GABPB2: variants seen among roughly 807,000 people sequenced by gnomAD.
The protein encoded by GABPB2 is GA-binding protein subunit beta-2.
GABPB2 carries 23 observed loss-of-function variants against 39.1 expected under a neutral mutation model. The observed-to-expected ratio is 0.59, with a 90% CI of 0.42 to 0.83. The LOEUF is 0.83. Ranked by LOEUF, GABPB2 falls within the 40% of genes least tolerant of loss-of-function variation. The pLI, the probability that GABPB2 is intolerant of heterozygous loss-of-function variation, is 0.00. For synonymous variants in GABPB2, 184 were observed against 199.3 expected (o/e 0.92, Z 0.65); for missense variants, 467 against 541.1 (o/e 0.86, Z 1.36).
At position 151,093,404 on chromosome 1, in the gene GABPB2, C is replaced by T. The variant is rs781031819; in HGVS notation, c.471+18C>T. 12 of 1,552,476 alleles carry T rather than the reference C, an allele frequency of 7.7e-6. No homozygotes were observed. In the African/African-American group the frequency reaches 9.7e-5, roughly 13 times the overall value. On this transcript the variant is annotated intron_variant, in intron 4 of 8. Coordinates refer to ENST00000368918, the MANE Select transcript of GABPB2 (RefSeq NM_144618.3). ...TCCTCCAGGTGTGGTTCTTTTTATA[C>T]TCTCCAGAATGTATGTTAATTGAAG...
chr1:151,101,451 G>A (rs587647853), intron 5 of GABPB2, among the ~76,000 whole-genome samples: 12 of 152,066 alleles, frequency 7.9e-5, no homozygotes, highest in Middle Eastern at 3.4e-3. Flanking sequence ...GTGCGCGCCT[G>A]TAGTCCCAGT....
In GABPB2 at chr1:151,088,062, A is replaced by G. The variant is rs1032519004; in HGVS notation, c.1-128A>G. 8 of 639,702 alleles carry G rather than the reference A, an allele frequency of 1.3e-5. No individual in the cohort carries two copies. In the Admixed American group the frequency reaches 1.7e-4, roughly 13 times the overall value. The allele number at this position is 639,702 out of a possible 1,614,324, so 39.6% of individuals were successfully genotyped here. A position where few individuals can be genotyped will look rare whatever the true frequency, so the allele number is the denominator to read the frequency against. On this transcript the variant is annotated intron_variant, in intron 1 of 8. Transcript: ENST00000368918. The stretch of plus-strand genomic sequence containing the variant: ...AGACGAGGTAGAAAGGAAGTGACCT[A>G]CCAGACAGTCAACTTGAGATGTATC...
intron 1 of GABPB2, among the ~76,000 whole-genome samples, chr1:151,076,441 A>G (rs1479523255): frequency 1.3e-5 from 2 of 152,128 alleles, no homozygotes; most frequent in African/African-American, 2.4e-5. Flanking sequence ...TATTTTTTTT[A>G]TTTTTTGAGA....
At position 151,102,688 on chromosome 1, in the gene GABPB2, C is replaced by T. The variant is rs188851194; in HGVS notation, c.623-874C>T. Among the ~76,000 whole-genome samples, 18 of 152,204 alleles carry T rather than the reference C, an allele frequency of 1.2e-4. No individual in the cohort carries two copies. In the South Asian group the frequency reaches 1.5e-3, roughly 12 times the overall value. Reference sequence around the variant, plus strand: ...AACTCCTGATCTCAGGTGATCCATCCGCCTCGGCCTCCCAAAGTGCGAGGA... The same window carrying T: ...AACTCCTGATCTCAGGTGATCCATCTGCCTCGGCCTCCCAAAGTGCGAGGA... On this transcript the variant is annotated intron_variant, in intron 5 of 8. Coordinates refer to ENST00000368918, the MANE Select transcript of GABPB2 (RefSeq NM_144618.3).
intron 1 of GABPB2, among the ~76,000 whole-genome samples, chr1:151,087,171 G>A (rs937289154): frequency 5.6e-5 from 8 of 143,484 alleles, no homozygotes; most frequent in African/African-American, 2.1e-4. Flanking sequence ...TGTATTTTTT[G>A]TGAGACGGTT....
Position 151,088,198 on chromosome 1 carries a change from G to A in GABPB2, c.9G>A (p.Leu3=). The A allele has an allele frequency of 1.2e-6, 2 of 1,613,658 alleles. No homozygotes were observed. The highest frequency in any genetic ancestry group is 1.1e-5 in the South Asian group (1 of 91,076). MS[L]VDLGKRLLEA... is the part of the protein sequence containing the mutation. The stretch of plus-strand genomic sequence containing the variant: ...TGTTCCTATGCATAAAGATGTCTTT[G>A]GTGGACTTGGGAAAGAGGTTGCTAG... Residue 3 remains leucine, a synonymous_variant, in exon 2 of 9, where the codon TTG becomes TTA. Transcript: ENST00000368918.
intron 7 of GABPB2, chr1:151,112,704 T>C: frequency 4.6e-6 from 1 of 217,778 alleles, no homozygotes; most frequent in Non-Finnish European, 9.8e-6. Flanking sequence ...TGTGGGTGGC[T>C]CCAGTAGAGC....
At chr1:151,104,624 A>G (rs1254092026) in intron 6 of GABPB2, among the ~76,000 whole-genome samples, 4 of 152,144 alleles carry the variant, frequency 2.6e-5, no homozygotes, top group East Asian at 1.9e-4. Flanking sequence ...TTATCTATCC[A>G]GGACCTTTCA....
Position 151,091,705 on chromosome 1 carries a change from C to CTGACCT in GABPB2, c.276+1135_276+1140dup, listed in dbSNP as rs765556557. On this transcript the variant is annotated intron_variant, in intron 3 of 8. Transcript: ENST00000368918. ...TGTTGGCCAGGCTGGTCTCAAACTC[C>CTGACCT]TGACCTTGTGATCTGCCTGCCTCGG... is the stretch of plus-strand genomic sequence containing the variant. Among the ~76,000 whole-genome samples the CTGACCT allele has an allele frequency of 2.6e-5, 4 of 152,016 alleles. No individual in the cohort carries two copies. In the East Asian group the frequency reaches 5.8e-4, roughly 22 times the overall value.
chr1:151,091,671 G>T (rs1438053953), intron 3 of GABPB2, among the ~76,000 whole-genome samples: 1 of 151,598 alleles, frequency 6.6e-6, no homozygotes, highest in Non-Finnish European at 1.5e-5. Flanking sequence ...TAGAGATGGG[G>T]TTTCACTGTG....
chr1:151,088,828 G>A (rs936861248), intron 2 of GABPB2, among the ~76,000 whole-genome samples: 1 of 152,070 alleles, frequency 6.6e-6, no homozygotes, highest in Non-Finnish European at 1.5e-5. Context: ...GGTGAAACCC[G>A]TTTCTACTAA....
chr1:151,081,177 T>TA (rs1228143191), intron 1 of GABPB2, among the ~76,000 whole-genome samples: 2 of 149,742 alleles, frequency 1.3e-5, no homozygotes, highest in African/African-American at 4.9e-5. Context: ...CCGGCCAACA[T>TA]AAAACATTTT....
intron 5 of GABPB2, among the ~76,000 whole-genome samples, chr1:151,099,763 G>C (rs1326707865): frequency 6.6e-6 from 1 of 152,166 alleles, no homozygotes. Flanking sequence ...ATAATTATTG[G>C]TTGACTAGCT....
chr1:151,084,701 A>AT (rs1157414882), intron 1 of GABPB2, among the ~76,000 whole-genome samples: 1 of 147,718 alleles, frequency 6.8e-6, no homozygotes, highest in Non-Finnish European at 1.5e-5. Context: ...TGCCCAGCTA[A>AT]TTTTTTGTAT....
chr1:151,079,891 T>TCACA (rs769040896), intron 1 of GABPB2, among the ~76,000 whole-genome samples: 2 of 148,044 alleles, frequency 1.4e-5, no homozygotes, highest in African/African-American at 4.9e-5. Context: ...CAAAACTCTG[T>TCACA]CACACACACA....
intron 1 of GABPB2, among the ~76,000 whole-genome samples, chr1:151,086,885 C>T (rs1160663361): frequency 2.6e-5 from 4 of 151,902 alleles, no homozygotes; most frequent in Non-Finnish European, 2.9e-5. Context: ...GATAGTGTCT[C>T]GCTCTGTCGC....
intron 1 of GABPB2, among the ~76,000 whole-genome samples, chr1:151,078,074 T>C (rs78780868): frequency 0.032 from 4,830 of 149,160 alleles, 260 homozygotes; most frequent in African/African-American, 0.11. Flanking sequence ...AGTTCAAGCC[T>C]CGCCTGACCA....
chr1:151,077,029 G>A (rs945180394), intron 1 of GABPB2, among the ~76,000 whole-genome samples: 2 of 151,924 alleles, frequency 1.3e-5, no homozygotes, highest in African/African-American at 4.8e-5. Flanking sequence ...TCCTGACCTC[G>A]TGATCCGCCC....
At chr1:151,091,951 T>A (rs1294198843) in intron 3 of GABPB2, among the ~76,000 whole-genome samples, 1 of 151,488 alleles carries the variant, frequency 6.6e-6, no homozygotes, top group Non-Finnish European at 1.5e-5. Context: ...CCCAGCTAAT[T>A]TATTTTTGTT....
Sources: gnomAD v4.1 joint callset for allele counts (sites outside exome capture counted in the v4.1 genomes callset) on GRCh38, gnomAD v4.1.1 for gene constraint, MANE v1.5 for transcripts, NCBI Gene and HGNC (gene_info 2026-07-23, HGNC 2026-07-21) for gene names.